The following WDR1 variants were observed in gnomAD, a reference collection of about 807,000 sequenced individuals.
WDR1 encodes the protein WD repeat domain 1.
In WDR1, 21 loss-of-function variants were observed where a neutral mutation model predicts 71.9. The observed-to-expected ratio is 0.29, with a 90% confidence interval of 0.21 to 0.42. The LOEUF (loss-of-function observed/expected upper bound fraction) is 0.42. WDR1 is among the 10% of genes least tolerant of loss of function. The pLI, the probability that WDR1 is intolerant of heterozygous loss-of-function variation, is 1.00. For missense variants in WDR1, 696 were observed against 824.5 expected, an observed-to-expected ratio of 0.84 and a Z score of 1.91; for synonymous variants, 424 against 347.4, an observed-to-expected ratio of 1.22 and a Z score of -2.45.
At position 10,075,335 on chromosome 4, in the gene WDR1, C is replaced by G; in HGVS notation, c.*43G>C. 6.4e-7 allele frequency: 1 copy of G among 1,572,040 alleles called. No individual in the cohort carries two copies. Among genetic ancestry groups the G allele is most frequent in the Non-Finnish European group, 8.8e-7 (1 of 1,142,614 alleles). On this transcript the variant is annotated 3_prime_UTR_variant, in exon 15 of 15. Coordinates refer to ENST00000499869, the MANE Select transcript of WDR1 (RefSeq NM_017491.5). ...TGACATGTTCCGCTGCAGTTAAACTCTAGTCCCTGATTCGGTCCATCCAGA... is the reference window on the plus strand; with the variant it reads ...TGACATGTTCCGCTGCAGTTAAACTGTAGTCCCTGATTCGGTCCATCCAGA...
At chr4:10,090,824 G>A (rs1028350564) in intron 5 of WDR1, among the ~76,000 whole-genome samples, 4 of 152,242 alleles carry the variant, frequency 2.6e-5, no homozygotes, top group African/African-American at 9.6e-5. Flanking sequence ...CGACAGTCAC[G>A]TTTCCATCCC....
intron 5 of WDR1, among the ~76,000 whole-genome samples, chr4:10,090,173 T>C (rs1006760204): frequency 1.3e-5 from 2 of 152,162 alleles, no homozygotes; most frequent in African/African-American, 4.8e-5. Flanking sequence ...TTCCAGAGAA[T>C]AAATTTCCAT....
chr4:10,113,505 C>A (rs953858235), intron 2 of WDR1, among the ~76,000 whole-genome samples: 2 of 152,216 alleles, frequency 1.3e-5, no homozygotes, highest in African/African-American at 4.8e-5. Context: ...AACGCTGGAG[C>A]CGAGGCCACG....
intron 2 of WDR1, among the ~76,000 whole-genome samples, chr4:10,109,021 G>A (rs1713193248): frequency 6.6e-6 from 1 of 152,258 alleles, no homozygotes; most frequent in South Asian, 2.1e-4. Flanking sequence ...AACTTGGCTG[G>A]AGCCTGGTAG....
intron 12 of WDR1, 51 bp from the exon 13 acceptor site, chr4:10,077,977 A>T: frequency 6.6e-7 from 1 of 1,514,126 alleles, no homozygotes; most frequent in Non-Finnish European, 8.9e-7. Context: ...CACACACCAC[A>T]CCCATCCTTT....
chr4:10,101,049 G>C (rs987653546), intron 3 of WDR1, among the ~76,000 whole-genome samples: 1 of 152,274 alleles, frequency 6.6e-6, no homozygotes, highest in Non-Finnish European at 1.5e-5. Flanking sequence ...GCCTACGTAA[G>C]GCCAAACCAC....
At chr4:10,115,890 C>A in intron 2 of WDR1, 1 of 578,308 alleles carries the variant, frequency 1.7e-6, no homozygotes, top group East Asian at 3.2e-5. Context: ...TAGACAGAAA[C>A]GAACTAAGAC....
At position 10,088,555 on chromosome 4, in the gene WDR1, G is replaced by A. The variant is rs554647561; in HGVS notation, c.636+109C>T. ...AGTCTGCAGATGTGGGGAGGGCGAT[G>A]TCTAAGTTCTGCATGTCAGGACTAG... On this transcript the variant is annotated intron_variant, in intron 6 of 14. Coordinates refer to ENST00000499869, the MANE Select transcript of WDR1 (RefSeq NM_017491.5). 7 of 1,171,222 alleles carry A rather than the reference G, an allele frequency of 6.0e-6. No homozygotes were observed. The East Asian group carries it at 1.0e-4, about 17-fold the overall frequency. 72.6% of individuals were successfully genotyped at this position (1,171,222 alleles called of 1,614,324 possible).
Position 10,116,759 on chromosome 4 carries a change from C to T in WDR1, c.-93G>A. The stretch of plus-strand genomic sequence containing the variant: ...ACCTCGCCGAGGCCGAGCCCGGGGA[C>T]TGGAGCCGGAAGGCGGCACCGGGCG... On this transcript the variant is annotated 5_prime_UTR_variant, in exon 1 of 15. Transcript: ENST00000499869. 8.1e-7 allele frequency: 1 copy of T among 1,235,490 alleles called. No homozygotes were observed. The highest frequency in any genetic ancestry group is 1.0e-6 in the Non-Finnish European group (1 of 983,792). The allele number at this position is 1,235,490 out of a possible 1,614,324, so 76.5% of individuals were successfully genotyped here. A position where few individuals can be genotyped will look rare whatever the true frequency, so the allele number is the denominator to read the frequency against.
In WDR1 at chr4:10,078,913, TC is replaced by T; in HGVS notation, c.1372del (p.Asp458ThrfsTer22). 1 of 1,612,616 alleles carries T rather than the reference TC, an allele frequency of 6.2e-7. No individual in the cohort carries two copies. Among genetic ancestry groups the T allele is most frequent in the Middle Eastern group, 1.7e-4 (1 of 6,052 alleles). ...PEVVAVHPGG[D>X]TVAIGGVDGN... is the part of the protein sequence containing the mutation. ...TACCACACCCCCAATTGCCACCGTGTCCCCGCCGGGGTGCACTGCCACAACT... is the reference window on the plus strand; with the variant it reads ...TACCACACCCCCAATTGCCACCGTGTCCCGCCGGGGTGCACTGCCACAACT... On this transcript the variant is annotated frameshift_variant, in exon 12 of 15. Coordinates refer to ENST00000499869, the MANE Select transcript of WDR1 (RefSeq NM_017491.5). LOFTEE classifies it high-confidence loss of function.
chr4:10,104,866 G>C (rs71603986), intron 2 of WDR1, among the ~76,000 whole-genome samples: 2 of 152,148 alleles, frequency 1.3e-5, no homozygotes, highest in Non-Finnish European at 2.9e-5. Flanking sequence ...TTGAGGCTTA[G>C]GACACACCAG....
chr4:10,111,104 C>G (rs950433955), intron 2 of WDR1, among the ~76,000 whole-genome samples: 3 of 147,532 alleles, frequency 2.0e-5, no homozygotes, highest in African/African-American at 7.3e-5. Flanking sequence ...ATCTCAGATA[C>G]AGAACTTCTC....
At position 10,088,387 on chromosome 4, in the gene WDR1, A is replaced by G. The variant is rs1323551188; in HGVS notation, c.637-14T>C. 6.4e-7 allele frequency: 1 copy of G among 1,552,736 alleles called. No homozygotes were observed. The highest frequency in any genetic ancestry group is 1.4e-5 in the African/African-American group (1 of 73,096). ...ATAGATGTATATCTTCCAAGAAATAAAAACATGTGGGTCATGTGTGTGTGA... is the reference window on the plus strand; with the variant it reads ...ATAGATGTATATCTTCCAAGAAATAGAAACATGTGGGTCATGTGTGTGTGA... On this transcript the variant is annotated splice_polypyrimidine_tract_variant and intron_variant, in intron 6 of 14. Coordinates refer to ENST00000499869, the MANE Select transcript of WDR1 (RefSeq NM_017491.5).
chr4:10,088,804 C>T, intron 5 of WDR1, 63 bp from the exon 6 acceptor site: 9 of 1,289,218 alleles, frequency 7.0e-6, no homozygotes, highest in African/African-American at 1.5e-5. Context: ...TTCAAGAATG[C>T]TCTCTATGAA....
At chr4:10,079,428 C>T (rs56146302) in intron 11 of WDR1, among the ~76,000 whole-genome samples, 24,461 of 152,232 alleles carry the variant, frequency 0.16, 2,541 homozygotes, top group Middle Eastern at 0.24. Flanking sequence ...TCGGGTTCCC[C>T]GTTTCAGAGA....
At chr4:10,104,980 T>C (rs1171417955) in intron 2 of WDR1, among the ~76,000 whole-genome samples, 1 of 151,138 alleles carries the variant, frequency 6.6e-6, no homozygotes, top group Non-Finnish European at 1.5e-5. Context: ...GGCCCCCATC[T>C]CACGAGACTG....
At position 10,112,482 on chromosome 4, in the gene WDR1, T is replaced by G. The variant is rs532863905; in HGVS notation, c.138+3631A>C. On this transcript the variant is annotated intron_variant, in intron 2 of 14. Coordinates refer to ENST00000499869, the MANE Select transcript of WDR1 (RefSeq NM_017491.5). ...TTTCACTCTACAGAGGAGAGTTGCC[T>G]CTCCAGGTGAGGCAACGAGATGTGT... Among the ~76,000 whole-genome samples, 5 of 152,166 alleles carry G rather than the reference T, an allele frequency of 3.3e-5. No homozygotes were observed. The East Asian group carries it at 9.7e-4, about 29-fold the overall frequency.
At chr4:10,099,267 T>G in intron 3 of WDR1, 128 bp from the exon 4 acceptor site, 1 of 743,212 alleles carries the variant, frequency 1.3e-6, no homozygotes. Context: ...GTCTGGTTGC[T>G]TAGGCTTTCT....
At chr4:10,082,108 G>C (rs1765038890) in intron 10 of WDR1, among the ~76,000 whole-genome samples, 1 of 152,184 alleles carries the variant, frequency 6.6e-6, no homozygotes, top group Non-Finnish European at 1.5e-5. Context: ...TAAGAGTGGG[G>C]TCACCACAGG....
Sources: gnomAD v4.1 joint callset for allele counts (sites outside exome capture counted in the v4.1 genomes callset) on GRCh38, gnomAD v4.1.1 for gene constraint, MANE v1.5 for transcripts, NCBI Gene and HGNC (gene_info 2026-07-23, HGNC 2026-07-21) for gene names.